The following UNC5B variants were observed in gnomAD, a reference collection of about 807,000 sequenced individuals.
The protein encoded by UNC5B is unc-5 netrin receptor B, also known as netrin receptor UNC5B.
In UNC5B, 56 loss-of-function variants were observed where a neutral mutation model predicts 103.7. The ratio of observed to expected loss-of-function variants is 0.54; its 90% CI spans 0.44 to 0.67. The LOEUF (loss-of-function observed/expected upper bound fraction) is 0.67. Among genes scored for constraint, UNC5B ranks in the 30% least tolerant of loss-of-function variants. UNC5B has a pLI of 0.00. For missense variants in UNC5B, 1,194 were observed against 1,284.5 expected (o/e 0.93, Z 1.08); for synonymous variants, 577 against 542.0 (o/e 1.06, Z -0.90).
chr10:71,249,272 A>G (rs773976106), intron 1 of UNC5B, among the ~76,000 whole-genome samples: 28 of 152,216 alleles, frequency 1.8e-4, no homozygotes, highest in Admixed American at 6.5e-4. Flanking sequence ...CAGCCTGGGC[A>G]CCAGTAACCT....
At chr10:71,228,661 A>G (rs1053595257) in intron 1 of UNC5B, among the ~76,000 whole-genome samples, 1 of 152,196 alleles carries the variant, frequency 6.6e-6, no homozygotes, top group Non-Finnish European at 1.5e-5. Flanking sequence ...ACAAGATACC[A>G]TTTCTCATTT....
intron 1 of UNC5B, among the ~76,000 whole-genome samples, chr10:71,257,336 G>C (rs776167395): frequency 7.2e-5 from 11 of 152,262 alleles, no homozygotes; most frequent in Non-Finnish European, 1.0e-4. Context: ...TAAGTGAATA[G>C]GGAAGTTCAG....
chr10:71,290,955 CGTG>C lies in UNC5B; in HGVS notation c.1145_1147del (p.Val382del). On this transcript the variant is annotated inframe_deletion, in exon 9 of 17. Coordinates refer to ENST00000335350, the MANE Select transcript of UNC5B (RefSeq NM_170744.5). ...GGGATGCGGCGCTGTATGCGGGGCT[CGTG>C]GTGGCCATCTTCGTGGTCGTGGCAA... The C allele has an allele frequency of 6.2e-7, 1 of 1,613,900 alleles. No individual in the cohort carries two copies.
intron 1 of UNC5B, among the ~76,000 whole-genome samples, chr10:71,240,889 T>C (rs1205633330): frequency 6.6e-6 from 1 of 152,214 alleles, no homozygotes; most frequent in Non-Finnish European, 1.5e-5. Flanking sequence ...AAGAAGACTT[T>C]AATAGGAATC....
intron 11 of UNC5B, 64 bp downstream of exon 11, chr10:71,292,618 T>C: frequency 1.4e-6 from 2 of 1,437,122 alleles, no homozygotes; most frequent in Non-Finnish European, 9.6e-7. Flanking sequence ...TGCCCACACG[T>C]GGCTCCCCTT....
intron 1 of UNC5B, among the ~76,000 whole-genome samples, chr10:71,214,753 G>A (rs1314667828): frequency 6.6e-6 from 1 of 152,166 alleles, no homozygotes; most frequent in African/African-American, 2.4e-5. Flanking sequence ...ATAGTTCTCT[G>A]GGTGGGTGGG....
At chr10:71,281,878 T>C (rs568078447) in intron 2 of UNC5B, among the ~76,000 whole-genome samples, 21 of 152,316 alleles carry the variant, frequency 1.4e-4, no homozygotes, top group African/African-American at 4.8e-4. Flanking sequence ...CTCTGTCCTC[T>C]TTCCGGGCTT....
At position 71,302,254 on chromosome 10, in the gene UNC5B, T is replaced by C. The variant is rs976512600; in HGVS notation, c.*2977T>C. The C allele has an allele frequency of 2.0e-5, 3 of 151,972 alleles. No homozygotes were observed. The highest frequency in any genetic ancestry group is 4.4e-5 in the Non-Finnish European group (3 of 68,092). 9.4% of individuals were successfully genotyped at this position (151,972 alleles called of 1,614,324 possible). A position where few individuals can be genotyped will look rare whatever the true frequency, so the allele number is the denominator to read the frequency against. Reference sequence around the variant, plus strand: ...GCCCTTACGCAGGTATTTCTCTCTCTCTCCTCTCTGGGGTGCGTGTGTGCG... The same window carrying C: ...GCCCTTACGCAGGTATTTCTCTCTCCCTCCTCTCTGGGGTGCGTGTGTGCG... On this transcript the variant is annotated 3_prime_UTR_variant, in exon 17 of 17. Transcript: ENST00000335350.
chr10:71,225,415 C>T (rs1589149957), intron 1 of UNC5B, among the ~76,000 whole-genome samples: 1 of 152,240 alleles, frequency 6.6e-6, no homozygotes, highest in Non-Finnish European at 1.5e-5. Context: ...CTGGCCACAG[C>T]TGTTGAGCTA....
intron 2 of UNC5B, among the ~76,000 whole-genome samples, 160 bp from the exon 3 acceptor site, chr10:71,284,560 T>C (rs772524573): frequency 1.3e-5 from 2 of 152,080 alleles, no homozygotes; most frequent in African/African-American, 2.4e-5. Flanking sequence ...TGAGTGGCCA[T>C]GAAGCTTGAG....
intron 2 of UNC5B, among the ~76,000 whole-genome samples, chr10:71,282,332 G>T (rs1346436086): frequency 3.3e-5 from 5 of 152,162 alleles, no homozygotes; most frequent in Admixed American, 1.3e-4. Context: ...GGGTGTCCTG[G>T]GCCAGGCATT....
At chr10:71,282,079 CAA>C (rs58793060) in intron 2 of UNC5B, among the ~76,000 whole-genome samples, 36,325 of 152,116 alleles carry the variant, frequency 0.24, 5,289 homozygotes, top group African/African-American at 0.41. Context: ...TGGCCCTTAC[CAA>C]AACCCTGCCA....
At chr10:71,247,513 G>T (rs1844064714) in intron 1 of UNC5B, among the ~76,000 whole-genome samples, 1 of 152,232 alleles carries the variant, frequency 6.6e-6, no homozygotes, top group African/African-American at 2.4e-5. Context: ...TGTTGGACAG[G>T]CTCCCAGACG....
At chr10:71,223,574 G>C (rs1227263264) in intron 1 of UNC5B, among the ~76,000 whole-genome samples, 2 of 152,112 alleles carry the variant, frequency 1.3e-5, no homozygotes, top group African/African-American at 4.8e-5. Context: ...GAGCCACAGA[G>C]AATTAACCAA....
At chr10:71,235,018 A>G (rs1005084228) in intron 1 of UNC5B, among the ~76,000 whole-genome samples, 1 of 151,938 alleles carries the variant, frequency 6.6e-6, no homozygotes, top group African/African-American at 2.4e-5. Flanking sequence ...CCCAGCGCCC[A>G]GGGGGGCCCC....
At chr10:71,287,182 C>T (rs2132306021) in intron 5 of UNC5B, among the ~76,000 whole-genome samples, 1 of 152,336 alleles carries the variant, frequency 6.6e-6, no homozygotes, top group African/African-American at 2.4e-5. Context: ...ATTGCCCAGG[C>T]TTGTGAGCTA....
intron 5 of UNC5B, 109 bp downstream of exon 5, chr10:71,286,978 G>A (rs925829469): frequency 2.1e-5 from 30 of 1,430,390 alleles, no homozygotes; most frequent in Admixed American, 4.3e-5. Context: ...CCCAGAGAGG[G>A]GAAGTGAATT....
intron 3 of UNC5B, 60 bp from the exon 4 acceptor site, chr10:71,285,266 C>A: frequency 6.7e-7 from 1 of 1,499,488 alleles, no homozygotes; most frequent in Non-Finnish European, 9.1e-7. Flanking sequence ...TACAGTGTAG[C>A]ACATCAGGTT....
At chr10:71,256,629 C>T (rs555605167) in intron 1 of UNC5B, among the ~76,000 whole-genome samples, 1 of 152,336 alleles carries the variant, frequency 6.6e-6, no homozygotes, top group South Asian at 2.1e-4. Context: ...CACTTCCTGG[C>T]AGCCCAGTCC....
Sources: gnomAD v4.1 joint callset for allele counts (sites outside exome capture counted in the v4.1 genomes callset) on GRCh38, gnomAD v4.1.1 for gene constraint, MANE v1.5 for transcripts, NCBI Gene and HGNC (gene_info 2026-07-23, HGNC 2026-07-21) for gene names.